TGM6: variants seen among roughly 807,000 people sequenced by gnomAD.
TGM6 encodes protein-glutamine gamma-glutamyltransferase 6.
TGM6 carries 74 observed loss-of-function variants against 77.5 expected under a neutral mutation model. That is an observed-to-expected ratio of 0.96 (90% confidence interval 0.79 to 1.16). The LOEUF (loss-of-function observed/expected upper bound fraction) is 1.16. Ranked by LOEUF, TGM6 falls within the 50% of genes most tolerant of loss-of-function variation. TGM6 has a pLI of 0.00. For missense variants in TGM6, 968 were observed against 940.2 expected, an observed-to-expected ratio of 1.03 and a Z score of -0.39; for synonymous variants, 383 against 378.9, an observed-to-expected ratio of 1.01 and a Z score of -0.12.
At chr20:2,390,569 G>T (rs1186023303) in intron 1 of TGM6, among the ~76,000 whole-genome samples, 1 of 152,198 alleles carries the variant, frequency 6.6e-6, no homozygotes, top group Non-Finnish European at 1.5e-5. Flanking sequence ...ATCAGGCGCT[G>T]AAGATTCACT....
At chr20:2,429,581 G>A (rs568694580) in intron 10 of TGM6, among the ~76,000 whole-genome samples, 8 of 151,796 alleles carry the variant, frequency 5.3e-5, no homozygotes, top group East Asian at 3.9e-4. Context: ...CCATCCTGGC[G>A]AACATGGTGA....
intron 9 of TGM6, among the ~76,000 whole-genome samples, chr20:2,406,376 C>T (rs2084750476): frequency 6.6e-6 from 1 of 151,624 alleles, no homozygotes; most frequent in Admixed American, 6.6e-5. Flanking sequence ...GCCTGTAGTC[C>T]CAGCTACTCA....
At chr20:2,403,863 T>G (rs1043196138) in intron 9 of TGM6, 40 bp downstream of exon 9, 4 of 1,613,512 alleles carry the variant, frequency 2.5e-6, no homozygotes, top group Admixed American at 1.7e-5. Context: ...TTCCCCCGGA[T>G]GGCCCATCAG....
intron 9 of TGM6, 135 bp downstream of exon 9, chr20:2,403,958 T>G: frequency 6.9e-7 from 1 of 1,451,948 alleles, no homozygotes; most frequent in Non-Finnish European, 9.5e-7. Flanking sequence ...TCACGTTGTC[T>G]CTGTGCTCTG....
At chr20:2,382,533 T>G (rs977480044) in intron 1 of TGM6, among the ~76,000 whole-genome samples, 21 of 152,228 alleles carry the variant, frequency 1.4e-4, no homozygotes, top group African/African-American at 5.1e-4. Context: ...CTTGCTGGGT[T>G]CCTCTCTCTG....
chr20:2,393,755 G>A (rs1429341891), intron 1 of TGM6, among the ~76,000 whole-genome samples: 1 of 152,034 alleles, frequency 6.6e-6, no homozygotes, highest in African/African-American at 2.4e-5. Flanking sequence ...TCGAGCTCCT[G>A]AGCTTAGGCA....
At position 2,432,372 on chromosome 20, in the gene TGM6, A is replaced by G. The variant is rs1372240660; in HGVS notation, c.1968-118A>G. 5 of 1,309,106 alleles carry G rather than the reference A, an allele frequency of 3.8e-6. No homozygotes were observed. The African/African-American group carries it at 4.4e-5, about 11-fold the overall frequency. The allele number at this position is 1,309,106 out of a possible 1,614,324, so 81.1% of individuals were successfully genotyped here. A position where few individuals can be genotyped will look rare whatever the true frequency, so the allele number is the denominator to read the frequency against. On this transcript the variant is annotated intron_variant, in intron 12 of 12. Transcript: ENST00000202625. ...CTGCAAACATGTTGATAAGGCTTGA[A>G]TGTCAAGCCACAAGGTGAACTTGAT...
rs2084655364 is a variant in TGM6 at position 2,395,195 on chromosome 20, AC to A, written c.187del (p.Arg63GlyfsTer35). 4 of 1,612,852 alleles carry A rather than the reference AC, an allele frequency of 2.5e-6. No homozygotes were observed. Among genetic ancestry groups the A allele is most frequent in the Non-Finnish European group, 2.5e-6 (3 of 1,179,968 alleles). On this transcript the variant is annotated frameshift_variant and splice_region_variant, in exon 3 of 13. Transcript: ENST00000202625. LOFTEE classifies it high-confidence loss of function. ...CTGATTCCCTCTCCTCTCCTCCAGG[AC>A]CCCGGGCTTCTGAGGCCCTCCACAC... ...EILIFTMETG[P>X]RASEALHTKA...
chr20:2,407,754 T>C (rs2084761621), intron 9 of TGM6, among the ~76,000 whole-genome samples: 1 of 152,228 alleles, frequency 6.6e-6, no homozygotes, highest in South Asian at 2.1e-4. Context: ...CTCCCTGCTA[T>C]GCTAGACTGC....
Position 2,432,476 on chromosome 20 carries a change from T to G in TGM6, c.1968-14T>G. 6.2e-7 allele frequency: 1 copy of G among 1,613,620 alleles called. No individual in the cohort carries two copies. The highest frequency in any genetic ancestry group is 8.5e-7 in the Non-Finnish European group (1 of 1,179,888). On this transcript the variant is annotated splice_polypyrimidine_tract_variant and intron_variant, in intron 12 of 12. Transcript: ENST00000202625. Reference sequence around the variant, plus strand: ...GGACTGACAGTCTGCCTTTCTCCCCTCCCCTTCCTCCAGCGTGCCTACCCT... The same window carrying G: ...GGACTGACAGTCTGCCTTTCTCCCCGCCCCTTCCTCCAGCGTGCCTACCCT...
chr20:2,389,056 A>G (rs990493285), intron 1 of TGM6, among the ~76,000 whole-genome samples: 1 of 152,190 alleles, frequency 6.6e-6, no homozygotes, highest in Non-Finnish European at 1.5e-5. Context: ...GAACCTACAT[A>G]GGCCTTTGTA....
intron 1 of TGM6, among the ~76,000 whole-genome samples, chr20:2,384,764 G>A (rs143597823): frequency 1.4e-3 from 206 of 152,286 alleles, no homozygotes; most frequent in African/African-American, 4.4e-3. Context: ...GAGGGAGAAG[G>A]GGAGGAGAGC....
At chr20:2,429,344 CAG>C (rs1393716651) in intron 10 of TGM6, among the ~76,000 whole-genome samples, 4 of 151,348 alleles carry the variant, frequency 2.6e-5, no homozygotes, top group African/African-American at 7.3e-5. Context: ...CAGATGCCTT[CAG>C]AGTCAGAAAG....
At chr20:2,421,593 T>G (rs1474769644) in intron 10 of TGM6, among the ~76,000 whole-genome samples, 1 of 152,212 alleles carries the variant, frequency 6.6e-6, no homozygotes, top group Non-Finnish European at 1.5e-5. Flanking sequence ...TTTGGTGAGG[T>G]GTCCAGGTCT....
chr20:2,417,672 A>G, intron 10 of TGM6, 99 bp downstream of exon 10: 1 of 1,315,264 alleles, frequency 7.6e-7, no homozygotes, highest in Non-Finnish European at 1.1e-6. Flanking sequence ...ATTCATCCCC[A>G]GGAAGGAAGG....
At chr20:2,384,584 G>T (rs935578819) in intron 1 of TGM6, among the ~76,000 whole-genome samples, 3 of 152,190 alleles carry the variant, frequency 2.0e-5, no homozygotes, top group Admixed American at 1.3e-4. Flanking sequence ...ACGTGAGGAA[G>T]CGGGTATGAT....
At chr20:2,393,724 C>T (rs1233182699) in intron 1 of TGM6, among the ~76,000 whole-genome samples, 1 of 151,982 alleles carries the variant, frequency 6.6e-6, no homozygotes, top group Non-Finnish European at 1.5e-5. Flanking sequence ...GAGGTTTCAC[C>T]ATGTTGGCCC....
intron 9 of TGM6, among the ~76,000 whole-genome samples, chr20:2,408,797 A>C (rs1047423717): frequency 6.6e-6 from 1 of 152,236 alleles, no homozygotes; most frequent in Non-Finnish European, 1.5e-5. Context: ...CAAAATGCGT[A>C]TGATCTTTAT....
At chr20:2,383,563 C>T (rs188121268) in intron 1 of TGM6, among the ~76,000 whole-genome samples, 93 of 152,266 alleles carry the variant, frequency 6.1e-4, no homozygotes, top group African/African-American at 2.0e-3. Flanking sequence ...TTCCATGGTG[C>T]TTGAGCAGGG....
Sources: allele counts gnomAD v4.1 joint callset (sites outside exome capture counted in the v4.1 genomes callset), GRCh38; gene constraint gnomAD v4.1.1; transcripts MANE v1.5; gene names NCBI Gene and HGNC (gene_info 2026-07-23, HGNC 2026-07-21).